The following DLG2 variants were observed in gnomAD, a reference collection of about 807,000 sequenced individuals.
DLG2 encodes the protein discs large MAGUK scaffold protein 2.
In DLG2, 45 loss-of-function variants were observed where a neutral mutation model predicts 132.5. That is an observed-to-expected ratio of 0.34 (90% CI 0.27 to 0.44). The LOEUF (loss-of-function observed/expected upper bound fraction) is 0.44, where lower values mean the gene tolerates loss of function less well. DLG2 is among the 20% of genes least tolerant of loss of function. The pLI, the probability that DLG2 is intolerant of heterozygous loss-of-function variation, is 1.00. For missense variants in DLG2, 1,045 were observed against 1,196.9 expected, an observed-to-expected ratio of 0.87 and a Z score of 1.87; for synonymous variants, 424 against 419.6, an observed-to-expected ratio of 1.01 and a Z score of -0.13.
chr11:84,083,779 T>G (rs2096936030), intron 10 of DLG2, among the ~76,000 whole-genome samples: 1 of 152,188 alleles, frequency 6.6e-6, no homozygotes, highest in African/African-American at 2.4e-5. Flanking sequence ...TCTTTATAAA[T>G]TACCCAGTCT....
intron 6 of DLG2, among the ~76,000 whole-genome samples, chr11:84,783,432 T>C (rs1565950178): frequency 6.6e-6 from 1 of 152,216 alleles, no homozygotes; most frequent in Admixed American, 6.5e-5. Flanking sequence ...GTTCTCTTTC[T>C]GTAGCATCCT....
intron 5 of DLG2, among the ~76,000 whole-genome samples, chr11:85,120,965 G>C (rs1421514445): frequency 6.6e-6 from 1 of 152,030 alleles, no homozygotes; most frequent in African/African-American, 2.4e-5. Context: ...CTTAACCACA[G>C]AATAACGTAA....
chr11:83,513,896 T>G (rs1384185450), intron 21 of DLG2, among the ~76,000 whole-genome samples: 1 of 152,208 alleles, frequency 6.6e-6, no homozygotes, highest in Non-Finnish European at 1.5e-5. Flanking sequence ...ATATCTCTGT[T>G]TTGATACCAG....
intron 3 of DLG2, among the ~76,000 whole-genome samples, chr11:85,490,051 A>G (rs1450304241): frequency 1.3e-5 from 2 of 152,052 alleles, no homozygotes; most frequent in Non-Finnish European, 2.9e-5. Flanking sequence ...AGCCAGGTGC[A>G]GTGGTATGTA....
intron 6 of DLG2, among the ~76,000 whole-genome samples, chr11:84,847,487 A>G (rs1296000839): frequency 6.6e-6 from 1 of 152,162 alleles, no homozygotes; most frequent in Non-Finnish European, 1.5e-5. Flanking sequence ...ACCAATAGCT[A>G]TGAGCTAATG....
At chr11:85,257,268 C>T (rs2076719010) in intron 4 of DLG2, among the ~76,000 whole-genome samples, 1 of 152,098 alleles carries the variant, frequency 6.6e-6, no homozygotes, top group African/African-American at 2.4e-5. Flanking sequence ...TGCAAATATA[C>T]ACATCAAACC....
At chr11:85,616,301 T>C (rs142027855) in intron 2 of DLG2, among the ~76,000 whole-genome samples, 1,888 of 152,164 alleles carry the variant, frequency 0.012, 71 homozygotes, top group Non-Finnish European at 7.4e-3. Context: ...AAACAGTATA[T>C]AGTAAGGGGG....
intron 16 of DLG2, among the ~76,000 whole-genome samples, chr11:83,853,311 C>A (rs2060054488): frequency 6.6e-6 from 1 of 152,118 alleles, no homozygotes; most frequent in African/African-American, 2.4e-5. Flanking sequence ...TTGGTCTCCT[C>A]AGCTCTCCCT....
At chr11:83,611,095 A>G (rs944921566) in intron 19 of DLG2, among the ~76,000 whole-genome samples, 5 of 152,186 alleles carry the variant, frequency 3.3e-5, no homozygotes, top group African/African-American at 1.2e-4. Flanking sequence ...AAAAGTCAGT[A>G]TTTTACAAAG....
chr11:84,157,152 A>T (rs2095444299), intron 9 of DLG2, among the ~76,000 whole-genome samples: 1 of 152,146 alleles, frequency 6.6e-6, no homozygotes, highest in Admixed American at 6.6e-5. Flanking sequence ...TTAAAATCTT[A>T]TAGTTTAATT....
At chr11:84,744,677 T>C (rs1489796568) in intron 6 of DLG2, among the ~76,000 whole-genome samples, 1 of 152,132 alleles carries the variant, frequency 6.6e-6, no homozygotes, top group African/African-American at 2.4e-5. Flanking sequence ...AACATTCTTA[T>C]TTTCAACTAA....
chr11:85,154,279 A>T (rs2077454616), intron 5 of DLG2, among the ~76,000 whole-genome samples: 1 of 152,160 alleles, frequency 6.6e-6, no homozygotes, highest in African/African-American at 2.4e-5. Flanking sequence ...AGAGAGGAAA[A>T]GTGAAATAGC....
At chr11:85,296,214 A>G (rs2079195325) in intron 3 of DLG2, among the ~76,000 whole-genome samples, 1 of 152,172 alleles carries the variant, frequency 6.6e-6, no homozygotes, top group Admixed American at 6.6e-5. Flanking sequence ...ACATAAGTAT[A>G]GATTTACTTA....
chr11:84,590,413 G>C (rs1196270571), intron 6 of DLG2, among the ~76,000 whole-genome samples: 1 of 152,128 alleles, frequency 6.6e-6, no homozygotes, highest in Non-Finnish European at 1.5e-5. Context: ...CTGAGATTAG[G>C]AGACATAACT....
intron 3 of DLG2, among the ~76,000 whole-genome samples, chr11:85,399,180 A>G (rs1293759254): frequency 6.6e-6 from 1 of 152,182 alleles, no homozygotes. Flanking sequence ...CCCATTCACA[A>G]TTGCTTCAAA....
intron 15 of DLG2, among the ~76,000 whole-genome samples, chr11:83,875,987 C>T (rs1452236947): frequency 6.6e-6 from 1 of 152,120 alleles, no homozygotes; most frequent in Admixed American, 6.6e-5. Context: ...TCCTGGTATC[C>T]CTCACAGTGC....
chr11:85,160,356 G>C (rs1381123889), intron 4 of DLG2, among the ~76,000 whole-genome samples: 2 of 152,226 alleles, frequency 1.3e-5, no homozygotes, highest in Non-Finnish European at 2.9e-5. Flanking sequence ...TAGGGATGCT[G>C]TTTGGAGCCT....
intron 18 of DLG2, among the ~76,000 whole-genome samples, chr11:83,717,377 T>C (rs969307413): frequency 2.0e-5 from 3 of 152,238 alleles, no homozygotes; most frequent in Admixed American, 6.5e-5. Flanking sequence ...GACTCCTAGA[T>C]ATTAATGCAG....
intron 8 of DLG2, among the ~76,000 whole-genome samples, chr11:84,210,069 G>C (rs1046638447): frequency 2.6e-5 from 4 of 151,946 alleles, no homozygotes; most frequent in African/African-American, 9.7e-5. Flanking sequence ...GAACATCTGA[G>C]GTCAGGAGTT....
Sources: gnomAD v4.1 joint callset for allele counts (sites outside exome capture counted in the v4.1 genomes callset) on GRCh38, gnomAD v4.1.1 for gene constraint, MANE v1.5 for transcripts, NCBI Gene and HGNC (gene_info 2026-07-23, HGNC 2026-07-21) for gene names.